FYB1: variants seen among roughly 807,000 people sequenced by gnomAD.
FYB1 encodes the protein FYN-binding protein 1.
In FYB1, 41 loss-of-function variants were observed where a neutral mutation model predicts 94.1. The ratio of observed to expected loss-of-function variants is 0.44; its 90% CI spans 0.34 to 0.57. The LOEUF is 0.57. Among genes scored for constraint, FYB1 ranks in the 20% least tolerant of loss-of-function variants. The probability of loss-of-function intolerance (pLI) is 0.02; values close to 1 mark genes in which losing one functional copy is unlikely to be tolerated. For synonymous variants in FYB1, 367 were observed against 353.2 expected, an observed-to-expected ratio of 1.04 and a Z score of -0.44; for missense variants, 1,050 against 976.8, an observed-to-expected ratio of 1.07 and a Z score of -1.00.
intron 2 of FYB1, among the ~76,000 whole-genome samples, chr5:39,181,600 G>C (rs1428513847): frequency 3.3e-5 from 5 of 152,068 alleles, no homozygotes. Flanking sequence ...CATCTCCAAG[G>C]TCTCAAAGAT....
At chr5:39,264,324 C>G (rs1393036880) in intron 1 of FYB1, among the ~76,000 whole-genome samples, 2 of 152,232 alleles carry the variant, frequency 1.3e-5, no homozygotes, top group Non-Finnish European at 2.9e-5. Flanking sequence ...AGTCTGCAAT[C>G]TGCAAGAGGG....
rs1261514062 is a variant in FYB1, at chr5:39,138,748, A to G, written c.1360-57T>C. 6 of 973,548 alleles carry G rather than the reference A, an allele frequency of 6.2e-6. No individual in the cohort carries two copies. The East Asian group carries it at 7.8e-5, about 13-fold the overall frequency. 60.3% of individuals were successfully genotyped at this position (973,548 alleles called of 1,614,324 possible). On this transcript the variant is annotated intron_variant, in intron 5 of 18. Coordinates refer to ENST00000512982, the MANE Select transcript of FYB1 (RefSeq NM_001465.6). Reference sequence around the variant, plus strand: ...TTTATTATTTAAAAAGTTGACACACATATTACATTGCTTAGACTTAAAATG... The same window carrying G: ...TTTATTATTTAAAAAGTTGACACACGTATTACATTGCTTAGACTTAAAATG...
rs569268778 is a variant in FYB1 at position 39,169,915 on chromosome 5, C to T, written c.1136-16311G>A. On this transcript the variant is annotated intron_variant, in intron 2 of 18. Transcript: ENST00000512982. ...TCCTTTTTCCTTTTTGATTTCCACC[C>T]TCCCAGTAGGCTCCTTCTGTGAACT... The T allele has an allele frequency of 8.0e-6, 5 of 622,774 alleles. No homozygotes were observed. The Admixed American group carries it at 1.1e-4, about 13-fold the overall frequency. 38.6% of individuals were successfully genotyped at this position (622,774 alleles called of 1,614,324 possible).
chr5:39,138,966 A>G, intron 5 of FYB1: 1 of 545,214 alleles, frequency 1.8e-6, no homozygotes, highest in Non-Finnish European at 3.2e-6. Flanking sequence ...GAAAGCAAAA[A>G]CAAAATTTCC....
intron 2 of FYB1, among the ~76,000 whole-genome samples, chr5:39,168,772 A>G (rs1373449746): frequency 6.6e-6 from 1 of 151,634 alleles, no homozygotes; most frequent in Admixed American, 6.6e-5. Context: ...TGAACACATA[A>G]TTAATGAATA....
upstream of FYB1, among the ~76,000 whole-genome samples, chr5:39,222,596 T>A (rs73072550): frequency 0.029 from 4,458 of 152,266 alleles, 171 homozygotes; most frequent in African/African-American, 0.097. Context: ...GTTTCATTTG[T>A]TATGAATGGT....
chr5:39,191,358 C>T (rs1191859069), intron 2 of FYB1, among the ~76,000 whole-genome samples: 4 of 152,178 alleles, frequency 2.6e-5, no homozygotes, highest in East Asian at 1.9e-4. Context: ...CTGAAAAAGC[C>T]GTTGTGGTGT....
At chr5:39,232,642 G>A (rs1561295332) in intron 1 of FYB1, among the ~76,000 whole-genome samples, 4 of 151,008 alleles carry the variant, frequency 2.6e-5, no homozygotes, top group Non-Finnish European at 4.4e-5. Context: ...ATGTATACAT[G>A]TGCCATGCTG....
At chr5:39,206,722 T>C (rs1488627955) in intron 1 of FYB1, among the ~76,000 whole-genome samples, 1 of 152,240 alleles carries the variant, frequency 6.6e-6, no homozygotes, top group Non-Finnish European at 1.5e-5. Context: ...AACTACATGG[T>C]GACCTTCCCT....
chr5:39,110,882 T>C (rs775964671), intron 16 of FYB1: 5 of 284,282 alleles, frequency 1.8e-5, no homozygotes, highest in Non-Finnish European at 3.4e-5. Flanking sequence ...TATTGACTAC[T>C]AGGGGGACTA....
At chr5:39,123,258 C>T (rs540244137) in intron 13 of FYB1, among the ~76,000 whole-genome samples, 1 of 152,202 alleles carries the variant, frequency 6.6e-6, no homozygotes, top group Non-Finnish European at 1.5e-5. Flanking sequence ...ATGTCCTCCA[C>T]CCTCGTGTGT....
At chr5:39,243,060 AT>A (rs1458482167) in intron 1 of FYB1, among the ~76,000 whole-genome samples, 1 of 152,090 alleles carries the variant, frequency 6.6e-6, no homozygotes, top group East Asian at 1.9e-4. Flanking sequence ...AGATGAGTAG[AT>A]TGCAAATATG....
chr5:39,224,457 G>A (rs185118202), upstream of FYB1, among the ~76,000 whole-genome samples: 7 of 152,264 alleles, frequency 4.6e-5, no homozygotes, highest in East Asian at 5.8e-4. Flanking sequence ...AGGAGTCCAC[G>A]CCTTTCTGGA....
intron 2 of FYB1, among the ~76,000 whole-genome samples, chr5:39,190,962 A>G (rs1201215571): frequency 6.6e-6 from 1 of 152,194 alleles, no homozygotes; most frequent in Non-Finnish European, 1.5e-5. Flanking sequence ...AAAGGTGACA[A>G]TTTCGAAGAG....
chr5:39,140,595 A>G (rs1342468012), intron 4 of FYB1, among the ~76,000 whole-genome samples: 1 of 152,196 alleles, frequency 6.6e-6, no homozygotes, highest in African/African-American at 2.4e-5. Context: ...TCTTAAGGAT[A>G]AGTCTCTGAG....
At chr5:39,158,919 A>AT (rs1469711607) in intron 2 of FYB1, among the ~76,000 whole-genome samples, 2 of 152,102 alleles carry the variant, frequency 1.3e-5, no homozygotes, top group South Asian at 2.1e-4. Flanking sequence ...GAAAACTTTG[A>AT]TTTTATCTCC....
Position 39,202,990 on chromosome 5 carries a change from A to G in FYB1, c.-27-3T>C. 5 of 1,612,156 alleles carry G rather than the reference A, an allele frequency of 3.1e-6. No homozygotes were observed. Among genetic ancestry groups the G allele is most frequent in the Non-Finnish European group, 4.2e-6 (5 of 1,179,286 alleles). On this transcript the variant is annotated splice_region_variant and splice_polypyrimidine_tract_variant and intron_variant, in intron 1 of 18. Transcript: ENST00000512982. ...GACTTTACATCTGCCTTTCCATCCT[A>G]CAAACATAGGGAACAAAAAATAGCT...
chr5:39,243,206 G>A (rs1183248572), intron 1 of FYB1, among the ~76,000 whole-genome samples: 1,841 of 151,942 alleles, frequency 0.012, 33 homozygotes, highest in African/African-American at 0.042. Flanking sequence ...TAGACATGAA[G>A]TCCTTGCCCA....
chr5:39,208,465 T>C (rs1375304259), intron 1 of FYB1, among the ~76,000 whole-genome samples: 1 of 152,330 alleles, frequency 6.6e-6, no homozygotes, highest in Non-Finnish European at 1.5e-5. Flanking sequence ...AGTTTCTTTA[T>C]TGTTAGTTAT....
Sources: allele counts gnomAD v4.1 joint callset (sites outside exome capture counted in the v4.1 genomes callset), GRCh38; gene constraint gnomAD v4.1.1; transcripts MANE v1.5; gene names NCBI Gene and HGNC (gene_info 2026-07-23, HGNC 2026-07-21).